KCNN2: variants seen among roughly 807,000 people sequenced by gnomAD.
The protein encoded by KCNN2 is potassium calcium-activated channel subfamily N member 2.
In KCNN2, 24 loss-of-function variants were observed where a neutral mutation model predicts 55.5. The ratio of observed to expected loss-of-function variants is 0.43; its 90% CI spans 0.31 to 0.61. KCNN2 has a LOEUF of 0.61. Ranked by LOEUF, KCNN2 falls within the 20% of genes least tolerant of loss-of-function variation. The pLI is 0.08. For synonymous variants in KCNN2, 431 were observed against 336.1 expected, an observed-to-expected ratio of 1.28 and a Z score of -3.09; for missense variants, 754 against 853.6, an observed-to-expected ratio of 0.88 and a Z score of 1.45.
intron 3 of KCNN2, among the ~76,000 whole-genome samples, chr5:114,455,530 C>G (rs1322965729): frequency 6.6e-6 from 1 of 152,326 alleles, no homozygotes; most frequent in Middle Eastern, 3.4e-3. Flanking sequence ...AACTAATGAC[C>G]TACAATGGCT....
intron 2 of KCNN2, among the ~76,000 whole-genome samples, chr5:114,236,129 G>A (rs1357197057): frequency 1.3e-5 from 2 of 151,976 alleles, no homozygotes; most frequent in Non-Finnish European, 2.9e-5. Context: ...CTCCTCTTTA[G>A]GTTTTGGTAG....
intron 2 of KCNN2, among the ~76,000 whole-genome samples, chr5:114,285,087 C>A (rs1405400963): frequency 2.0e-5 from 3 of 150,940 alleles, no homozygotes; most frequent in Non-Finnish European, 3.0e-5. Context: ...TCGAGACCAT[C>A]TTGGCTAACA....
intron 4 of KCNN2, among the ~76,000 whole-genome samples, chr5:114,469,296 C>T (rs1237538533): frequency 6.6e-6 from 1 of 152,140 alleles, no homozygotes; most frequent in South Asian, 2.1e-4. Context: ...TCACCATCTT[C>T]TCTGTTAGAA....
chr5:114,061,975 A>G (rs1375905362), intron 1 of KCNN2, among the ~76,000 whole-genome samples: 1 of 152,140 alleles, frequency 6.6e-6, no homozygotes, highest in Non-Finnish European at 1.5e-5. Flanking sequence ...TGAATGACTT[A>G]TTTACATTTC....
At chr5:114,315,472 T>TA (rs1756485231) in intron 2 of KCNN2, among the ~76,000 whole-genome samples, 1 of 142,064 alleles carries the variant, frequency 7.0e-6, no homozygotes, top group Non-Finnish European at 1.5e-5. Flanking sequence ...TGTGTATATA[T>TA]ATATAAAACT....
At chr5:114,209,670 A>G (rs1044461822) in intron 1 of KCNN2, among the ~76,000 whole-genome samples, 3 of 152,194 alleles carry the variant, frequency 2.0e-5, no homozygotes, top group Non-Finnish European at 4.4e-5. Flanking sequence ...AAGACATTAT[A>G]CTTATCAAGT....
At chr5:114,269,163 G>A (rs1281021343) in intron 2 of KCNN2, among the ~76,000 whole-genome samples, 6 of 152,074 alleles carry the variant, frequency 3.9e-5, no homozygotes, top group African/African-American at 1.4e-4. Context: ...TAAGCAGTTA[G>A]ATGCTGTATT....
intron 2 of KCNN2, among the ~76,000 whole-genome samples, chr5:114,255,283 T>C (rs1225883736): frequency 6.6e-6 from 1 of 152,154 alleles, no homozygotes; most frequent in Non-Finnish European, 1.5e-5. Flanking sequence ...TGTAAGTATA[T>C]ACAAGATACA....
At chr5:114,115,191 TAAGCTTAC>T (rs1159399810) in intron 1 of KCNN2, among the ~76,000 whole-genome samples, 12 of 152,292 alleles carry the variant, frequency 7.9e-5, no homozygotes, top group African/African-American at 2.9e-4. Context: ...TTATTAAAAA[TAAGCTTAC>T]AAGCAGCAAA....
intron 1 of KCNN2, among the ~76,000 whole-genome samples, chr5:114,160,883 T>A (rs1030626443): frequency 2.0e-5 from 3 of 152,146 alleles, no homozygotes; most frequent in African/African-American, 7.2e-5. Flanking sequence ...CCCTTTATTT[T>A]GAGCCTATGT....
At chr5:114,441,620 A>T (rs780405311) in intron 3 of KCNN2, among the ~76,000 whole-genome samples, 13 of 152,210 alleles carry the variant, frequency 8.5e-5, no homozygotes, top group Non-Finnish European at 1.5e-4. Flanking sequence ...TGAGGGTGGC[A>T]TCCTTTCAAA....
chr5:114,151,813 C>G (rs1029654289), intron 1 of KCNN2, among the ~76,000 whole-genome samples: 3 of 152,040 alleles, frequency 2.0e-5, no homozygotes, highest in African/African-American at 7.2e-5. Context: ...AAAAAAAAAT[C>G]TCTCCATGGT....
chr5:114,386,655 G>C (rs1184440281), intron 2 of KCNN2, among the ~76,000 whole-genome samples: 2 of 152,082 alleles, frequency 1.3e-5, no homozygotes, highest in Non-Finnish European at 2.9e-5. Flanking sequence ...CATCTGAAAG[G>C]TTGAGCCAAG....
At position 114,280,141 on chromosome 5, in the gene KCNN2, G is replaced by A. The variant is rs1229986434; in HGVS notation, c.-185+58576G>A. 3.3e-5 allele frequency among the ~76,000 whole-genome samples: 5 copies of A among 152,250 alleles called. No homozygotes were observed. In the East Asian group the frequency reaches 9.6e-4, roughly 29 times the overall value. ...TCATATCCTTTGCCCACTTTTTGATGGGGGTGTTTGAATTATTCTTGTAAA... is the reference window on the plus strand; with the variant it reads ...TCATATCCTTTGCCCACTTTTTGATAGGGGTGTTTGAATTATTCTTGTAAA... On this transcript the variant is annotated intron_variant, in intron 2 of 10. Coordinates refer to the KCNN2 transcript ENST00000512097.
intron 1 of KCNN2, among the ~76,000 whole-genome samples, chr5:114,205,229 TA>T (rs1355188573): frequency 2.6e-5 from 4 of 152,210 alleles, no homozygotes; most frequent in Middle Eastern, 3.2e-3. Context: ...TTCCATCTTA[TA>T]AAAAATATTT....
At chr5:114,247,697 T>G (rs28405473) in intron 2 of KCNN2, among the ~76,000 whole-genome samples, 2,612 of 152,324 alleles carry the variant, frequency 0.017, 76 homozygotes, top group African/African-American at 0.06. Flanking sequence ...CAGACTACCT[T>G]AAGTAGTAGC....
Position 114,204,236 on chromosome 5 carries a change from T to C in KCNN2, c.-270-17244T>C, listed in dbSNP as rs538919474. Among the ~76,000 whole-genome samples, 6 of 152,246 alleles carry C rather than the reference T, an allele frequency of 3.9e-5. No homozygotes were observed. In the East Asian group the frequency reaches 1.2e-3, roughly 29 times the overall value. ...TAAAATATGCATGTCACCTTCAAGG[T>C]TTTAAAATTGCACTGTTTATGTCCA... is the stretch of plus-strand genomic sequence containing the variant. On this transcript the variant is annotated intron_variant, in intron 1 of 10. Transcript: ENST00000512097.
At chr5:114,389,629 C>G (rs982328150) in intron 2 of KCNN2, among the ~76,000 whole-genome samples, 1 of 152,070 alleles carries the variant, frequency 6.6e-6, no homozygotes, top group Non-Finnish European at 1.5e-5. Context: ...TCCCAAATAC[C>G]GTGTGAACTG....
chr5:114,147,232 G>A (rs773606041), intron 1 of KCNN2, among the ~76,000 whole-genome samples: 12 of 152,242 alleles, frequency 7.9e-5, no homozygotes, highest in South Asian at 2.1e-4. Flanking sequence ...GAAGTGTTTC[G>A]TAGACATTGA....
Sources: gnomAD v4.1 joint callset for allele counts (sites outside exome capture counted in the v4.1 genomes callset) on GRCh38, gnomAD v4.1.1 for gene constraint, MANE v1.5 for transcripts, NCBI Gene and HGNC (gene_info 2026-07-23, HGNC 2026-07-21) for gene names.